Variants in TRDN observed in about 807,000 individuals in gnomAD.
The protein encoded by TRDN is triadin, also known as triadin in skeletal muscle.
In TRDN, 161 loss-of-function variants were observed where a neutral mutation model predicts 149.7. The observed-to-expected ratio is 1.08, with a 90% CI of 0.95 to 1.23. TRDN has a LOEUF of 1.23. Ranked by LOEUF, TRDN falls within the 50% of genes most tolerant of loss-of-function variation. The pLI, the probability that TRDN is intolerant of heterozygous loss-of-function variation, is 0.00. For missense variants in TRDN, 896 were observed against 823.5 expected (o/e 1.09, Z -1.08); for synonymous variants, 294 against 250.5 (o/e 1.17, Z -1.64).
At chr6:123,427,961 C>T (rs1774192964) in intron 12 of TRDN, among the ~76,000 whole-genome samples, 1 of 152,064 alleles carries the variant, frequency 6.6e-6, no homozygotes, top group Admixed American at 6.6e-5. Flanking sequence ...ACTTAAGTAT[C>T]CCCTCCATAG....
intron 6 of TRDN, among the ~76,000 whole-genome samples, chr6:123,513,039 T>A (rs2114861159): frequency 6.6e-6 from 1 of 152,290 alleles, no homozygotes; most frequent in African/African-American, 2.4e-5. Context: ...CTCCAGAATC[T>A]TGGAGAGATG....
intron 10 of TRDN, among the ~76,000 whole-genome samples, chr6:123,451,550 G>A (rs189337320): frequency 2.6e-5 from 4 of 151,954 alleles, no homozygotes; most frequent in African/African-American, 4.8e-5. Flanking sequence ...TTTAAATCAG[G>A]AAGAATTAGA....
chr6:123,271,053 G>T (rs1019128131), intron 30 of TRDN, 86 bp downstream of exon 30: 14 of 705,846 alleles, frequency 2.0e-5, no homozygotes, highest in Non-Finnish European at 3.2e-5. Context: ...GTGTGTGTGT[G>T]TGTGTGTGTG....
intron 24 of TRDN, among the ~76,000 whole-genome samples, chr6:123,300,831 G>A (rs1363111023): frequency 6.6e-6 from 1 of 151,916 alleles, no homozygotes; most frequent in Admixed American, 6.6e-5. Context: ...TAGATATTTA[G>A]TTTGTGTCCA....
At chr6:123,345,095 G>A (rs1201260270) in intron 21 of TRDN, among the ~76,000 whole-genome samples, 2 of 151,440 alleles carry the variant, frequency 1.3e-5, no homozygotes, top group African/African-American at 2.4e-5. Context: ...TGTCTTTTGT[G>A]TTTTATTTAA....
At chr6:123,432,433 C>CA (rs35511361) in intron 12 of TRDN, among the ~76,000 whole-genome samples, 20,059 of 144,058 alleles carry the variant, frequency 0.14, 1,678 homozygotes, top group South Asian at 0.33. Flanking sequence ...GTATTATCTC[C>CA]AAAAAAAAAA....
chr6:123,346,591 C>A (rs1324274550), intron 21 of TRDN, among the ~76,000 whole-genome samples: 1 of 151,980 alleles, frequency 6.6e-6, no homozygotes, highest in East Asian at 1.9e-4. Flanking sequence ...TTGTGTTGTG[C>A]TTACCAGAAT....
chr6:123,456,802 G>A (rs1174459894), intron 10 of TRDN: 1 of 455,912 alleles, frequency 2.2e-6, no homozygotes. Flanking sequence ...CTCCATCTAT[G>A]TAAAATACAC....
At chr6:123,508,387 G>C (rs891069191) in intron 7 of TRDN, among the ~76,000 whole-genome samples, 3 of 152,054 alleles carry the variant, frequency 2.0e-5, no homozygotes, top group African/African-American at 7.2e-5. Flanking sequence ...ACATATAAGG[G>C]CAGATATAAA....
At chr6:123,579,179 TGAA>T (rs1783000283) in intron 1 of TRDN, among the ~76,000 whole-genome samples, 1 of 152,168 alleles carries the variant, frequency 6.6e-6, no homozygotes, top group Non-Finnish European at 1.5e-5. Context: ...AATACTATGT[TGAA>T]GAAGAGTGGT....
intron 37 of TRDN, among the ~76,000 whole-genome samples, chr6:123,253,072 A>G (rs1459028117): frequency 6.6e-6 from 1 of 152,094 alleles, no homozygotes; most frequent in African/African-American, 2.4e-5. Context: ...ATAAATAATT[A>G]CCAGACTATA....
chr6:123,348,560 T>C (rs1041319298), intron 21 of TRDN, among the ~76,000 whole-genome samples: 2 of 151,932 alleles, frequency 1.3e-5, no homozygotes, highest in Non-Finnish European at 1.5e-5. Flanking sequence ...AATCTGTAAA[T>C]AAAAGAAGAA....
intron 33 of TRDN, among the ~76,000 whole-genome samples, chr6:123,262,597 A>C (rs1274095008): frequency 1.3e-5 from 2 of 152,066 alleles, no homozygotes; most frequent in African/African-American, 4.8e-5. Flanking sequence ...TGCTTCGCTT[A>C]ATTGCAATTC....
At chr6:123,379,405 A>C (rs1320593181) in intron 16 of TRDN, among the ~76,000 whole-genome samples, 1 of 152,216 alleles carries the variant, frequency 6.6e-6, no homozygotes, top group Non-Finnish European at 1.5e-5. Flanking sequence ...GCTAAAATTA[A>C]ACAAAATGAG....
intron 1 of TRDN, among the ~76,000 whole-genome samples, chr6:123,580,578 T>C (rs914810164): frequency 1.4e-4 from 21 of 152,176 alleles, no homozygotes; most frequent in Non-Finnish European, 2.1e-4. Flanking sequence ...ATAGATTAAC[T>C]TCCTCTTTGT....
At chr6:123,315,286 A>C (rs1283897101) in intron 24 of TRDN, among the ~76,000 whole-genome samples, 1 of 151,912 alleles carries the variant, frequency 6.6e-6, no homozygotes, top group African/African-American at 2.4e-5. Context: ...TTTGATGTAA[A>C]CACTCAATAT....
At chr6:123,563,869 G>A (rs769766032) in intron 2 of TRDN, among the ~76,000 whole-genome samples, 27 of 152,032 alleles carry the variant, frequency 1.8e-4, no homozygotes, top group Non-Finnish European at 3.4e-4. Flanking sequence ...GTGCAGTGGC[G>A]CAAGCTCAAC....
chr6:123,399,114 C>T (rs1478957400), intron 12 of TRDN, among the ~76,000 whole-genome samples: 1 of 152,114 alleles, frequency 6.6e-6, no homozygotes, highest in African/African-American at 2.4e-5. Context: ...CTATCGCTTC[C>T]ATTTAACTCA....
intron 12 of TRDN, among the ~76,000 whole-genome samples, chr6:123,416,690 C>A (rs1007188046): frequency 2.1e-5 from 3 of 143,950 alleles, no homozygotes; most frequent in Non-Finnish European, 4.6e-5. Flanking sequence ...CACCATTATT[C>A]TTTTCCTCTT....
Sources: gnomAD v4.1 joint callset for allele counts (sites outside exome capture counted in the v4.1 genomes callset) on GRCh38, gnomAD v4.1.1 for gene constraint, MANE v1.5 for transcripts, NCBI Gene and HGNC (gene_info 2026-07-23, HGNC 2026-07-21) for gene names.